Variants in ADGRL3 observed in about 807,000 individuals in gnomAD.
The protein encoded by ADGRL3 is adhesion G protein-coupled receptor L3.
Under a neutral mutation model 153.5 loss-of-function variants are expected in ADGRL3, and 62 were observed. That is an observed-to-expected ratio of 0.40 (90% CI 0.33 to 0.50). The LOEUF (loss-of-function observed/expected upper bound fraction) is 0.50. Among genes scored for constraint, ADGRL3 ranks in the 20% least tolerant of loss-of-function variants. The pLI, the probability that ADGRL3 is intolerant of heterozygous loss-of-function variation, is 0.47. For synonymous variants in ADGRL3, 710 were observed against 672.5 expected, an observed-to-expected ratio of 1.06 and a Z score of -0.86; for missense variants, 1,641 against 1,859.4, an observed-to-expected ratio of 0.88 and a Z score of 2.16.
At chr4:61,263,781 G>A (rs1280463910) in intron 1 of ADGRL3, among the ~76,000 whole-genome samples, 1 of 151,982 alleles carries the variant, frequency 6.6e-6, no homozygotes, top group Non-Finnish European at 1.5e-5. Flanking sequence ...TATTGAAACA[G>A]TAAGCAACAC....
At chr4:61,692,985 C>T (rs1029460480) in intron 6 of ADGRL3, among the ~76,000 whole-genome samples, 1 of 151,964 alleles carries the variant, frequency 6.6e-6, no homozygotes, top group Non-Finnish European at 1.5e-5. Context: ...CCTAAACAAA[C>T]CAAAGTAACC....
At chr4:61,843,561 G>A (rs1156430798) in intron 9 of ADGRL3, among the ~76,000 whole-genome samples, 1 of 152,120 alleles carries the variant, frequency 6.6e-6, no homozygotes, top group Admixed American at 6.5e-5. Flanking sequence ...AAAACTAAGA[G>A]CATGATAAAA....
At chr4:61,636,336 A>T (rs1442797885) in intron 5 of ADGRL3, among the ~76,000 whole-genome samples, 1 of 152,212 alleles carries the variant, frequency 6.6e-6, no homozygotes, top group African/African-American at 2.4e-5. Context: ...TGCAATTATC[A>T]GTAAAGGATT....
At chr4:61,965,274 C>T (rs1416116109) in intron 17 of ADGRL3, among the ~76,000 whole-genome samples, 3 of 152,090 alleles carry the variant, frequency 2.0e-5, no homozygotes, top group African/African-American at 7.2e-5. Context: ...GCTAGGATTA[C>T]AGGCGTGAGC....
At chr4:61,967,378 A>G (rs2099010853) in intron 17 of ADGRL3, among the ~76,000 whole-genome samples, 3 of 152,148 alleles carry the variant, frequency 2.0e-5, no homozygotes, top group Admixed American at 2.0e-4. Flanking sequence ...TTTTTAATAG[A>G]GGTAAAAATG....
chr4:61,457,276 G>A (rs969869178), intron 2 of ADGRL3, among the ~76,000 whole-genome samples: 2 of 151,816 alleles, frequency 1.3e-5, no homozygotes, highest in African/African-American at 4.8e-5. Flanking sequence ...CAAATATTTA[G>A]GGGCTGGCAT....
chr4:62,039,961 A>G (rs1163552225), intron 24 of ADGRL3, among the ~76,000 whole-genome samples: 1 of 152,172 alleles, frequency 6.6e-6, no homozygotes, highest in Non-Finnish European at 1.5e-5. Flanking sequence ...AGAGTTGTGC[A>G]ATGTTTAGCA....
intron 6 of ADGRL3, among the ~76,000 whole-genome samples, chr4:61,719,823 G>C (rs1385976260): frequency 6.6e-6 from 1 of 151,268 alleles, no homozygotes; most frequent in Non-Finnish European, 1.5e-5. Flanking sequence ...GGCTGGTCTT[G>C]AACTCCTGAC....
intron 5 of ADGRL3, among the ~76,000 whole-genome samples, chr4:61,648,059 ATTCT>A (rs1196342725): frequency 6.6e-6 from 1 of 152,168 alleles, no homozygotes; most frequent in Non-Finnish European, 1.5e-5. Flanking sequence ...TCTCATAATA[ATTCT>A]TTCAGAGAGA....
chr4:61,775,525 C>T (rs2097137878), intron 8 of ADGRL3: 2 of 765,246 alleles, frequency 2.6e-6, no homozygotes, highest in Admixed American at 1.7e-5. Flanking sequence ...AACTACTGCA[C>T]AACTGCAACC....
At chr4:62,016,518 A>C (rs2151318480) in intron 21 of ADGRL3, among the ~76,000 whole-genome samples, 1 of 152,280 alleles carries the variant, frequency 6.6e-6, no homozygotes, top group African/African-American at 2.4e-5. Flanking sequence ...AGTATCCTAC[A>C]TTAAATCTGT....
At chr4:61,762,722 T>C (rs1401442466) in intron 8 of ADGRL3, among the ~76,000 whole-genome samples, 1 of 152,132 alleles carries the variant, frequency 6.6e-6, no homozygotes, top group Non-Finnish European at 1.5e-5. Flanking sequence ...TTTGCTAAGA[T>C]ACAAAAATCT....
At chr4:61,287,507 A>G (rs1025177361) in intron 1 of ADGRL3, among the ~76,000 whole-genome samples, 3 of 151,984 alleles carry the variant, frequency 2.0e-5, no homozygotes, top group Admixed American at 6.6e-5. Context: ...TTTTTATACT[A>G]TTGGAAAACA....
chr4:61,285,113 G>A (rs77306813), intron 1 of ADGRL3, among the ~76,000 whole-genome samples: 11 of 151,736 alleles, frequency 7.2e-5, no homozygotes, highest in African/African-American at 2.4e-4. Flanking sequence ...AAAAAAATAC[G>A]ACCCTGGCTT....
At chr4:61,665,080 T>C (rs915990286) in intron 5 of ADGRL3, among the ~76,000 whole-genome samples, 5 of 152,236 alleles carry the variant, frequency 3.3e-5, no homozygotes, top group African/African-American at 1.2e-4. Flanking sequence ...AGGGGTAGTC[T>C]TCTGAATGAT....
chr4:61,702,360 C>G (rs1236223020), intron 6 of ADGRL3, among the ~76,000 whole-genome samples: 2 of 152,150 alleles, frequency 1.3e-5, no homozygotes, highest in Non-Finnish European at 2.9e-5. Context: ...CCCTGTGAAT[C>G]CAGCCAATTT....
At chr4:61,473,494 C>T (rs910395292) in intron 2 of ADGRL3, among the ~76,000 whole-genome samples, 1 of 152,004 alleles carries the variant, frequency 6.6e-6, no homozygotes. Flanking sequence ...AACATGGATC[C>T]AGCACTTACT....
At chr4:61,928,331 C>T (rs865901456) in intron 13 of ADGRL3, among the ~76,000 whole-genome samples, 6 of 152,012 alleles carry the variant, frequency 3.9e-5, no homozygotes, top group East Asian at 1.9e-4. Context: ...ATTTCCTCTT[C>T]GGAGTCAAAG....
chr4:61,746,854 G>C (rs1370623506), intron 8 of ADGRL3, among the ~76,000 whole-genome samples: 1 of 151,736 alleles, frequency 6.6e-6, no homozygotes, highest in East Asian at 1.9e-4. Flanking sequence ...AAATAACTAA[G>C]ATCAGAGCAG....
Sources: gnomAD v4.1 joint callset for allele counts (sites outside exome capture counted in the v4.1 genomes callset) on GRCh38, gnomAD v4.1.1 for gene constraint, MANE v1.5 for transcripts, NCBI Gene and HGNC (gene_info 2026-07-23, HGNC 2026-07-21) for gene names.